AGBL1: variants seen among roughly 807,000 people sequenced by gnomAD.
AGBL1 encodes cytosolic carboxypeptidase 4.
Under a neutral mutation model 118.9 loss-of-function variants are expected in AGBL1, and 130 were observed. The ratio of observed to expected loss-of-function variants is 1.09; its 90% confidence interval spans 0.95 to 1.26. AGBL1 has a LOEUF of 1.26. Ranked by LOEUF, AGBL1 falls within the 50% of genes most tolerant of loss-of-function variation. The probability of loss-of-function intolerance (pLI) is 0.00; values close to 1 mark genes in which losing one functional copy is unlikely to be tolerated. For synonymous variants in AGBL1, 555 were observed against 478.9 expected (o/e 1.16, Z -2.08); for missense variants, 1,584 against 1,298.1 (o/e 1.22, Z -3.38).
intron 17 of AGBL1, among the ~76,000 whole-genome samples, chr15:86,306,193 A>G (rs761406674): frequency 1.3e-5 from 2 of 152,128 alleles, no homozygotes; most frequent in Non-Finnish European, 2.9e-5. Flanking sequence ...AAGTTATTTC[A>G]AAATATACAA....
At chr15:87,001,308 G>A (rs940442179) in intron 24 of AGBL1, among the ~76,000 whole-genome samples, 1 of 151,916 alleles carries the variant, frequency 6.6e-6, no homozygotes, top group Non-Finnish European at 1.5e-5. Context: ...TCTTGTGCCA[G>A]AACTCATCAT....
At chr15:86,376,741 C>A (rs926982258) in intron 17 of AGBL1, among the ~76,000 whole-genome samples, 2 of 152,164 alleles carry the variant, frequency 1.3e-5, no homozygotes, top group Non-Finnish European at 2.9e-5. Context: ...GGCTCAAGCT[C>A]TCATCTTAAG....
chr15:86,287,253 G>A (rs2080130711), intron 16 of AGBL1, among the ~76,000 whole-genome samples: 1 of 152,084 alleles, frequency 6.6e-6, no homozygotes, highest in East Asian at 1.9e-4. Flanking sequence ...TTAGATATTA[G>A]CCCCTTATCT....
intron 20 of AGBL1, among the ~76,000 whole-genome samples, chr15:86,547,300 C>G (rs28473209): frequency 0.062 from 9,425 of 152,142 alleles, 925 homozygotes; most frequent in African/African-American, 0.21. Context: ...TGTGATACAT[C>G]TTGAATCAAA....
intron 24 of AGBL1, among the ~76,000 whole-genome samples, chr15:87,007,099 G>C (rs2081512893): frequency 1.3e-5 from 2 of 152,004 alleles, no homozygotes; most frequent in African/African-American, 4.8e-5. Context: ...TATAGAAAGG[G>C]TTCAAAAAAG....
intron 24 of AGBL1, among the ~76,000 whole-genome samples, chr15:87,003,428 C>T (rs2081462184): frequency 6.6e-6 from 1 of 150,586 alleles, no homozygotes; most frequent in African/African-American, 2.4e-5. Context: ...GGATATTGGT[C>T]TAAAATTCTC....
intron 18 of AGBL1, among the ~76,000 whole-genome samples, chr15:86,459,574 T>C (rs2082304373): frequency 6.6e-6 from 1 of 152,158 alleles, no homozygotes; most frequent in Non-Finnish European, 1.5e-5. Flanking sequence ...CTCTTATAAA[T>C]TTTTTCCCAG....
intron 22 of AGBL1, among the ~76,000 whole-genome samples, chr15:86,848,136 G>A (rs2079344996): frequency 6.6e-6 from 1 of 152,120 alleles, no homozygotes; most frequent in Non-Finnish European, 1.5e-5. Context: ...TGTCAATTGA[G>A]TGGGGGACAG....
At chr15:86,319,368 C>T (rs148420607) in intron 17 of AGBL1, among the ~76,000 whole-genome samples, 2 of 152,192 alleles carry the variant, frequency 1.3e-5, no homozygotes, top group Non-Finnish European at 2.9e-5. Flanking sequence ...GATGGTATCT[C>T]ATTGTAGTTT....
intron 18 of AGBL1, among the ~76,000 whole-genome samples, chr15:86,488,663 C>G (rs573180345): frequency 6.6e-6 from 1 of 152,074 alleles, no homozygotes; most frequent in Admixed American, 6.5e-5. Context: ...CCCTCTTCTA[C>G]GTTCCTCTTT....
chr15:86,279,746 T>C lies in AGBL1; in HGVS notation c.2183T>C (p.Leu728Pro). Residue 728 changes from leucine to proline, a missense_variant, in exon 16 of 23, where the codon CTG becomes CCG. Coordinates refer to ENST00000614907, the MANE Select transcript of AGBL1 (RefSeq NM_001386094.1). ...CCACACAGTGAGGATGTCTGCTACC[T>C]GGCCTACCACTATCCCTATACCTAC... is the stretch of plus-strand genomic sequence containing the variant. Reference protein sequence around the residue: ...TFPHSEDVCYLAYHYPYTYTA... With the variant: ...TFPHSEDVCYPAYHYPYTYTA... 6.2e-7 allele frequency: 1 copy of C among 1,613,880 alleles called. No individual in the cohort carries two copies. Among genetic ancestry groups the C allele is most frequent in the Non-Finnish European group, 8.5e-7 (1 of 1,179,796 alleles).
At chr15:86,199,507 C>T (rs1374204533) in intron 5 of AGBL1, among the ~76,000 whole-genome samples, 2 of 152,154 alleles carry the variant, frequency 1.3e-5, no homozygotes, top group Non-Finnish European at 2.9e-5. Context: ...CTAATGAATA[C>T]CCATGTGCTG....
intron 23 of AGBL1, among the ~76,000 whole-genome samples, chr15:86,954,082 G>T (rs1368322144): frequency 1.3e-5 from 2 of 152,058 alleles, no homozygotes. Flanking sequence ...ATTCAGAATG[G>T]CTTCTATTAA....
intron 21 of AGBL1, among the ~76,000 whole-genome samples, chr15:86,639,337 G>A (rs116133343): frequency 0.019 from 2,817 of 152,224 alleles, 103 homozygotes; most frequent in African/African-American, 0.064. Context: ...AGGAAGAGCA[G>A]GAGTTTCTTT....
intron 19 of AGBL1, among the ~76,000 whole-genome samples, chr15:86,524,685 G>T (rs2083237664): frequency 6.6e-6 from 1 of 152,150 alleles, no homozygotes; most frequent in African/African-American, 2.4e-5. Flanking sequence ...CAACCATCTG[G>T]CATGGCCCAA....
chr15:86,743,898 A>G (rs2077717673), intron 22 of AGBL1, among the ~76,000 whole-genome samples: 1 of 152,138 alleles, frequency 6.6e-6, no homozygotes, highest in Admixed American at 6.6e-5. Flanking sequence ...TCTACACACA[A>G]TCTTTATTTT....
intron 23 of AGBL1, among the ~76,000 whole-genome samples, chr15:86,980,197 G>A (rs2081216384): frequency 6.6e-6 from 1 of 152,168 alleles, no homozygotes; most frequent in South Asian, 2.1e-4. Context: ...TGAAGCCATT[G>A]ATTTTATCCA....
intron 18 of AGBL1, among the ~76,000 whole-genome samples, chr15:86,482,348 G>T (rs2082662709): frequency 1.3e-5 from 2 of 152,140 alleles, no homozygotes; most frequent in African/African-American, 2.4e-5. Context: ...CTTGCCCAGA[G>T]CATGGAGATG....
chr15:86,195,910 G>A (rs1165946422), intron 5 of AGBL1, among the ~76,000 whole-genome samples: 1 of 152,132 alleles, frequency 6.6e-6, no homozygotes, highest in East Asian at 1.9e-4. Context: ...TGCCGTGGGG[G>A]CGTCTTTCAA....
Sources: gnomAD v4.1 joint callset for allele counts (sites outside exome capture counted in the v4.1 genomes callset) on GRCh38, gnomAD v4.1.1 for gene constraint, MANE v1.5 for transcripts, NCBI Gene and HGNC (gene_info 2026-07-23, HGNC 2026-07-21) for gene names.